Variants in SH3GL3 observed in about 807,000 individuals in gnomAD.
SH3GL3 encodes the protein SH3 domain containing GRB2 like 3, endophilin A3.
SH3GL3 carries 33 observed loss-of-function variants against 47.7 expected under a neutral mutation model. That is an observed-to-expected ratio of 0.69 (90% CI 0.52 to 0.92). The LOEUF (loss-of-function observed/expected upper bound fraction) is 0.92. Ranked by LOEUF, SH3GL3 falls within the 40% of genes least tolerant of loss-of-function variation. The pLI, the probability that SH3GL3 is intolerant of heterozygous loss-of-function variation, is 0.00. For missense variants in SH3GL3, 363 were observed against 417.8 expected (o/e 0.87, Z 1.14); for synonymous variants, 155 against 148.8 (o/e 1.04, Z -0.30).
intron 1 of SH3GL3, among the ~76,000 whole-genome samples, chr15:83,491,414 T>C (rs118060235): frequency 0.011 from 1,748 of 152,348 alleles, 17 homozygotes; most frequent in Non-Finnish European, 0.015. Context: ...CTTGGCTTTC[T>C]TTTTTTGCCT....
At chr15:83,567,238 C>T (rs2045591984) in intron 3 of SH3GL3, among the ~76,000 whole-genome samples, 2 of 152,174 alleles carry the variant, frequency 1.3e-5, no homozygotes. Flanking sequence ...ATTCCCTCTT[C>T]TACACGTTAC....
intron 1 of SH3GL3, among the ~76,000 whole-genome samples, chr15:83,456,403 C>T (rs2039965058): frequency 1.8e-5 from 1 of 55,330 alleles, no homozygotes; most frequent in African/African-American, 5.8e-5. Flanking sequence ...CCCCCCTCCC[C>T]CAGCCTCGTT....
intron 4 of SH3GL3, 51 bp from the exon 5 acceptor site, chr15:83,572,514 C>T (rs777738571): frequency 1.3e-6 from 2 of 1,517,924 alleles, no homozygotes; most frequent in South Asian, 2.4e-5. Context: ...GCACTGTTAA[C>T]CTGGAGTAGT....
intron 5 of SH3GL3, among the ~76,000 whole-genome samples, chr15:83,573,220 C>T (rs1049076105): frequency 2.6e-5 from 4 of 152,208 alleles, no homozygotes; most frequent in African/African-American, 9.7e-5. Context: ...TGTGCAAAAA[C>T]AGCCCCAAGA....
chr15:83,552,646 C>A (rs550687577), intron 1 of SH3GL3, among the ~76,000 whole-genome samples: 144 of 152,238 alleles, frequency 9.5e-4, no homozygotes, highest in Non-Finnish European at 1.7e-3. Context: ...TCTGTACTTG[C>A]AAGGAATATA....
the SH3GL3 span, among the ~76,000 whole-genome samples, chr15:83,627,411 A>AG: frequency 0.013 from 2,019 of 151,042 alleles, 48 homozygotes; most frequent in African/African-American, 0.042. Flanking sequence ...AAAAAAAAAA[A>AG]AAGAAAAGAA....
chr15:83,577,331 T>G (rs557557329), intron 6 of SH3GL3, among the ~76,000 whole-genome samples: 88 of 152,298 alleles, frequency 5.8e-4, no homozygotes, highest in Non-Finnish European at 3.7e-4. Context: ...TTAGTTGTTA[T>G]GCAAGTTTCT....
At chr15:83,466,620 A>G (rs1230829764) in intron 1 of SH3GL3, among the ~76,000 whole-genome samples, 1 of 152,222 alleles carries the variant, frequency 6.6e-6, no homozygotes, top group Non-Finnish European at 1.5e-5. Flanking sequence ...GGTTTTTAAG[A>G]AACTATCAAC....
intron 3 of SH3GL3, among the ~76,000 whole-genome samples, 187 bp from the exon 4 acceptor site, chr15:83,568,342 A>G (rs1451656617): frequency 1.3e-5 from 2 of 152,148 alleles, no homozygotes; most frequent in Non-Finnish European, 2.9e-5. Context: ...CTTAGCACCC[A>G]CCTTGGTAAA....
intron 1 of SH3GL3, among the ~76,000 whole-genome samples, chr15:83,514,081 A>G (rs2042883942): frequency 1.3e-5 from 2 of 152,188 alleles, no homozygotes; most frequent in African/African-American, 4.8e-5. Context: ...TGTGTATTAT[A>G]AGTACTTGCT....
chr15:83,502,225 G>A (rs755767112), intron 1 of SH3GL3, among the ~76,000 whole-genome samples: 3 of 152,258 alleles, frequency 2.0e-5, no homozygotes, highest in Non-Finnish European at 4.4e-5. Flanking sequence ...CCTCATCAGT[G>A]TGTGGAAATG....
chr15:83,593,829 T>TTC (rs1360077307), intron 8 of SH3GL3, among the ~76,000 whole-genome samples: 1 of 152,102 alleles, frequency 6.6e-6, no homozygotes, highest in African/African-American at 2.4e-5. Flanking sequence ...TTTTTTTTTT[T>TTC]TCTTTTTGAG....
At chr15:83,465,122 C>G (rs2040509506) in intron 1 of SH3GL3, among the ~76,000 whole-genome samples, 1 of 151,178 alleles carries the variant, frequency 6.6e-6, no homozygotes, top group Non-Finnish European at 1.5e-5. Flanking sequence ...CCAGCCTGGC[C>G]AACGTGGTGA....
chr15:83,465,532 A>G (rs867308733), intron 1 of SH3GL3, among the ~76,000 whole-genome samples: 8 of 151,916 alleles, frequency 5.3e-5, no homozygotes, highest in Middle Eastern at 3.4e-3. Flanking sequence ...AGGTCATTCT[A>G]TCTTGGGGCC....
intron 2 of SH3GL3, among the ~76,000 whole-genome samples, chr15:83,562,446 A>G (rs72760366): frequency 0.13 from 19,200 of 152,228 alleles, 1,567 homozygotes; most frequent in South Asian, 0.18. Flanking sequence ...ATGTCCAAAA[A>G]GGGTTGTATA....
intron 1 of SH3GL3, among the ~76,000 whole-genome samples, chr15:83,499,578 T>C (rs2042216434): frequency 1.3e-5 from 2 of 152,146 alleles, no homozygotes; most frequent in African/African-American, 4.8e-5. Flanking sequence ...GAGATCCAAA[T>C]CTGATCAAAG....
intron 8 of SH3GL3, among the ~76,000 whole-genome samples, chr15:83,590,438 T>G (rs905962223): frequency 1.3e-5 from 2 of 152,360 alleles, no homozygotes; most frequent in Admixed American, 1.3e-4. Flanking sequence ...AATCTTTTCT[T>G]AATATTTAGA....
At chr15:83,504,753 AC>A (rs2151614582) in intron 1 of SH3GL3, among the ~76,000 whole-genome samples, 1 of 152,250 alleles carries the variant, frequency 6.6e-6, no homozygotes, top group African/African-American at 2.4e-5. Flanking sequence ...GGCCAGAATC[AC>A]CCACCTAAGC....
intron 1 of SH3GL3, among the ~76,000 whole-genome samples, chr15:83,477,618 A>G (rs2079408676): frequency 6.6e-6 from 1 of 152,178 alleles, no homozygotes; most frequent in Admixed American, 6.6e-5. Context: ...TTTGGCGTCT[A>G]TTGGAGCAGG....
Sources: gnomAD v4.1 joint callset for allele counts (sites outside exome capture counted in the v4.1 genomes callset) on GRCh38, gnomAD v4.1.1 for gene constraint, MANE v1.5 for transcripts, NCBI Gene and HGNC (gene_info 2026-07-23, HGNC 2026-07-21) for gene names.